Variants in ADGRG6 observed in about 807,000 individuals in gnomAD.
The protein encoded by ADGRG6 is adhesion G protein-coupled receptor G6, also known as G-protein coupled receptor 126.
Under a neutral mutation model 142.4 loss-of-function variants are expected in ADGRG6, and 84 were observed. The observed-to-expected ratio is 0.59, with a 90% CI of 0.49 to 0.71. The LOEUF (loss-of-function observed/expected upper bound fraction) is 0.71. Among genes scored for constraint, ADGRG6 ranks in the 30% least tolerant of loss-of-function variants. ADGRG6 has a pLI of 0.00. For synonymous variants in ADGRG6, 521 were observed against 520.5 expected, an observed-to-expected ratio of 1.00 and a Z score of -0.01; for missense variants, 1,367 against 1,466.6, an observed-to-expected ratio of 0.93 and a Z score of 1.11.
chr6:142,402,147 T>G, intron 12 of ADGRG6, 89 bp downstream of exon 12: 1 of 667,274 alleles, frequency 1.5e-6, no homozygotes, highest in Non-Finnish European at 2.7e-6. Flanking sequence ...AATATTCTTC[T>G]GCTCTGTGAT....
rs1206540927 is a variant in ADGRG6, at chr6:142,370,229, G to T, written c.505G>T (p.Val169Leu). Residue 169 changes from valine (V) to leucine (L), a missense_variant, in exon 4 of 25, where the codon GTA (valine) becomes TTA (leucine). Val to Leu is a conservative substitution (Grantham distance 32). This residue lies in a region of ADGRG6 where 737 missense variants were observed against 746.5 expected (regional missense o/e 0.99). Transcript: ENST00000367609. ...ILPQTSDAYQ[V>L]SVAKSISIPE... ...ACCCCAGACATCAGATGCTTACCAG[G>T]TATCTGTTGCAAAAAGCATCTCTAT... is the stretch of plus-strand genomic sequence containing the variant. The T allele has an allele frequency of 1.9e-6, 3 of 1,610,602 alleles. No homozygotes were observed. The Admixed American group carries it at 5.0e-5, about 27-fold the overall frequency.
At chr6:142,350,600 T>G (rs1416132688) in intron 2 of ADGRG6, among the ~76,000 whole-genome samples, 1 of 152,202 alleles carries the variant, frequency 6.6e-6, no homozygotes, top group Non-Finnish European at 1.5e-5. Flanking sequence ...GTGTGCCTTA[T>G]GCAAAGTATG....
At chr6:142,385,147 C>T (rs1291691710) in intron 6 of ADGRG6, among the ~76,000 whole-genome samples, 2 of 152,150 alleles carry the variant, frequency 1.3e-5, no homozygotes, top group South Asian at 4.1e-4. Context: ...TTATACGGTG[C>T]TTCAGAGTCC....
rs568073331 is a variant in ADGRG6, at chr6:142,417,280, T to A, written c.2946T>A (p.Pro982=). The A allele has an allele frequency of 6.9e-6, 11 of 1,584,166 alleles. No individual in the cohort carries two copies. In the African/African-American group the frequency reaches 9.4e-5, roughly 14 times the overall value. The change falls in exon 21 of 25, where the codon CCT becomes CCA. Residue 982 remains proline (P), a synonymous_variant. Transcript: ENST00000367609. ...LKFCIIGWGL[P]ALVVSVVLAS... is the part of the protein sequence containing the mutation. Reference sequence around the variant, plus strand: ...ATGGTGTTTTTGTAACAGGTTTGCCTGCCTTAGTGGTGTCAGTTGTTCTAG... The same window carrying A: ...ATGGTGTTTTTGTAACAGGTTTGCCAGCCTTAGTGGTGTCAGTTGTTCTAG...
intron 6 of ADGRG6, among the ~76,000 whole-genome samples, chr6:142,386,032 T>A (rs1782001618): frequency 6.6e-6 from 1 of 152,218 alleles, no homozygotes; most frequent in South Asian, 2.1e-4. Flanking sequence ...TTTTACTGAA[T>A]TAATCAATAA....
At chr6:142,425,788 C>A (rs1291665877) in intron 22 of ADGRG6, among the ~76,000 whole-genome samples, 1 of 152,128 alleles carries the variant, frequency 6.6e-6, no homozygotes, top group African/African-American at 2.4e-5. Context: ...ACTTACAGTT[C>A]CACGTGACTG....
At chr6:142,437,562 A>G (rs760228532) in intron 23 of ADGRG6, 27 bp downstream of exon 23, 4 of 1,015,450 alleles carry the variant, frequency 3.9e-6, no homozygotes, top group Non-Finnish European at 6.3e-6. Flanking sequence ...TAAATTTTAC[A>G]TCTACAAGTA....
chr6:142,437,640 G>A (rs1777549196), intron 23 of ADGRG6, 105 bp downstream of exon 23: 2 of 689,624 alleles, frequency 2.9e-6, no homozygotes, highest in Non-Finnish European at 2.7e-6. Flanking sequence ...GCAAGCTATT[G>A]AAGTGGAGCA....
intron 4 of ADGRG6, among the ~76,000 whole-genome samples, chr6:142,378,607 T>G (rs1781606860): frequency 6.6e-6 from 1 of 152,222 alleles, no homozygotes; most frequent in South Asian, 2.1e-4. Flanking sequence ...TGTTCTTTTT[T>G]CATTGTGCAT....
intron 2 of ADGRG6, among the ~76,000 whole-genome samples, chr6:142,339,457 C>A (rs1779509445): frequency 1.3e-5 from 2 of 152,184 alleles, no homozygotes; most frequent in Non-Finnish European, 2.9e-5. Context: ...AATTTGAACC[C>A]TCCTTCCCCT....
intron 21 of ADGRG6, 47 bp from the exon 22 acceptor site, chr6:142,419,774 G>A: frequency 6.9e-7 from 1 of 1,447,916 alleles, no homozygotes; most frequent in Middle Eastern, 1.8e-4. Flanking sequence ...AGGTAAACAG[G>A]ACATGGTAAT....
In ADGRG6 at chr6:142,423,078, T is replaced by A. The variant is rs1311334343; in HGVS notation, c.3319+2974T>A. ...TTCTGGATATTAGCCCTTTGTCAGA[T>A]GAGTAGGTTGCGAAAATTTTCTCCC... On this transcript the variant is annotated intron_variant, in intron 22 of 24. Transcript: ENST00000367609. Among the ~76,000 whole-genome samples the A allele has an allele frequency of 1.0e-4, 15 of 149,102 alleles. No individual in the cohort carries two copies. The East Asian group carries it at 2.8e-3, about 28-fold the overall frequency.
At chr6:142,321,286 T>TACACAC (rs10632214) in intron 2 of ADGRG6, among the ~76,000 whole-genome samples, 1,907 of 147,860 alleles carry the variant, frequency 0.013, 45 homozygotes, top group African/African-American at 0.038. Flanking sequence ...TAAGCATGCA[T>TACACAC]ACACACACAC....
At position 142,401,993 on chromosome 6, in the gene ADGRG6, GT is replaced by G; in HGVS notation, c.1684del (p.Tyr562ThrfsTer8). 4.8e-6 allele frequency: 7 copies of G among 1,447,526 alleles called. No homozygotes were observed. The highest frequency in any genetic ancestry group is 6.7e-6 in the Non-Finnish European group (7 of 1,043,358). The allele number at this position is 1,447,526 out of a possible 1,614,324, so 89.7% of individuals were successfully genotyped here. ...DKPGFSASRI[C>X]FYNATNPLVT... ...TTTAAAATATCTATTTTGTTTCATA[GT>G]TTTTACAATGCTACCAACCCATTGG... On this transcript the variant is annotated frameshift_variant and splice_region_variant, in exon 12 of 25. Coordinates refer to ENST00000367609, the MANE Select transcript of ADGRG6 (RefSeq NM_198569.3). LOFTEE classifies it high-confidence loss of function.
At chr6:142,355,781 C>T (rs988368547) in intron 2 of ADGRG6, among the ~76,000 whole-genome samples, 3 of 152,054 alleles carry the variant, frequency 2.0e-5, no homozygotes, top group South Asian at 2.1e-4. Context: ...ACTCACCCAC[C>T]GAGAACAAGC....
intron 6 of ADGRG6, among the ~76,000 whole-genome samples, chr6:142,389,255 T>A (rs1309716302): frequency 6.7e-6 from 1 of 150,234 alleles, no homozygotes. Flanking sequence ...AACTTTTACA[T>A]TTTTTTTTCT....
chr6:142,411,552 A>G, intron 18 of ADGRG6, 141 bp downstream of exon 18: 3 of 565,498 alleles, frequency 5.3e-6, no homozygotes, highest in Non-Finnish European at 9.8e-6. Flanking sequence ...TTAATTCTTA[A>G]TAAAGAATCT....
intron 2 of ADGRG6, among the ~76,000 whole-genome samples, chr6:142,334,219 A>G (rs961035738): frequency 6.6e-6 from 1 of 152,234 alleles, no homozygotes; most frequent in African/African-American, 2.4e-5. Flanking sequence ...TCAGGAAGGA[A>G]GCTAAGAAGA....
rs1220787622 is a variant in ADGRG6, at chr6:142,302,199, A to G, written c.-131A>G. On this transcript the variant is annotated 5_prime_UTR_variant, in exon 1 of 25. It removes the in-frame stop codon of an upstream open reading frame in the 5' UTR. Transcript: ENST00000367609. ...CCCATGAACTCTCCAGAAACGGCGTAAAGGAGGGTCCCGCCGCGGCGCAGG... is the reference window on the plus strand; with the variant it reads ...CCCATGAACTCTCCAGAAACGGCGTGAAGGAGGGTCCCGCCGCGGCGCAGG... 6.9e-6 allele frequency: 7 copies of G among 1,011,596 alleles called. No individual in the cohort carries two copies. Among genetic ancestry groups the G allele is most frequent in the Non-Finnish European group, 1.0e-5 (7 of 691,408 alleles). The allele number at this position is 1,011,596 out of a possible 1,614,324, so 62.7% of individuals were successfully genotyped here.
Sources: gnomAD v4.1 joint callset for allele counts (sites outside exome capture counted in the v4.1 genomes callset) on GRCh38, gnomAD v4.1.1 for gene constraint, gnomAD v4.1.1 regional missense constraint, MANE v1.5 for transcripts, NCBI Gene and HGNC (gene_info 2026-07-23, HGNC 2026-07-21) for gene names.